The following WWC2 variants were observed in gnomAD, a reference collection of about 807,000 sequenced individuals.
The protein encoded by WWC2 is WW and C2 domain containing 2, also known as protein WWC2.
A neutral mutation model predicts 138.5 loss-of-function variants in WWC2; 101 were observed. The observed-to-expected ratio is 0.73, with a 90% CI of 0.62 to 0.86. WWC2 has a LOEUF of 0.86. WWC2 is among the 40% of genes least tolerant of loss of function. The pLI is 0.00. For missense variants in WWC2, 1,420 were observed against 1,419.4 expected (o/e 1.00, Z -0.01); for synonymous variants, 558 against 538.4 (o/e 1.04, Z -0.50).
At chr4:183,290,411 G>A (rs1463685955) in intron 21 of WWC2, among the ~76,000 whole-genome samples, 2 of 151,828 alleles carry the variant, frequency 1.3e-5, no homozygotes, top group South Asian at 2.1e-4. Context: ...CCAGCTATTC[G>A]GGAGACTGAG....
chr4:183,109,788 G>C (rs1486460670), intron 1 of WWC2, among the ~76,000 whole-genome samples: 1 of 152,172 alleles, frequency 6.6e-6, no homozygotes, highest in Non-Finnish European at 1.5e-5. Context: ...TAGGTACTGT[G>C]TGGGACAAAG....
intron 1 of WWC2, among the ~76,000 whole-genome samples, chr4:183,119,682 GT>G (rs1732538443): frequency 1.3e-5 from 2 of 152,098 alleles, no homozygotes; most frequent in South Asian, 4.1e-4. Context: ...TAAGATGTCA[GT>G]TTTAAAAACA....
chr4:183,171,643 TA>T (rs1367086490), intron 1 of WWC2, among the ~76,000 whole-genome samples: 1 of 40,924 alleles, frequency 2.4e-5, no homozygotes, highest in East Asian at 8.0e-4. Context: ...TGTAAATGAT[TA>T]ACAAACACTC....
intron 9 of WWC2, among the ~76,000 whole-genome samples, chr4:183,255,981 T>C (rs1013407473): frequency 1.3e-5 from 2 of 152,076 alleles, no homozygotes; most frequent in African/African-American, 4.8e-5. Flanking sequence ...ATTATTTATT[T>C]AGTGAGATCC....
intron 21 of WWC2, among the ~76,000 whole-genome samples, chr4:183,297,699 C>T (rs762302220): frequency 9.2e-5 from 14 of 152,260 alleles, no homozygotes; most frequent in South Asian, 2.1e-4. Context: ...CGTGAGCCAC[C>T]GCACCTGGCC....
At chr4:183,107,407 C>T (rs964626558) in intron 1 of WWC2, among the ~76,000 whole-genome samples, 8 of 152,298 alleles carry the variant, frequency 5.3e-5, no homozygotes, top group East Asian at 1.9e-4. Context: ...CTTGGCCTTC[C>T]AAAGTGCTAG....
At chr4:183,183,391 G>C (rs1734698031) in intron 1 of WWC2, among the ~76,000 whole-genome samples, 1 of 151,780 alleles carries the variant, frequency 6.6e-6, no homozygotes, top group African/African-American at 2.4e-5. Flanking sequence ...CTGCCAAATT[G>C]TTTCTTAAAA....
chr4:183,224,870 AG>A (rs60609949), intron 4 of WWC2, among the ~76,000 whole-genome samples: 8,516 of 152,146 alleles, frequency 0.056, 789 homozygotes, highest in African/African-American at 0.19. Flanking sequence ...CTATTTGTTT[AG>A]GTTTTAAAGT....
intron 1 of WWC2, among the ~76,000 whole-genome samples, chr4:183,144,421 A>C (rs1167804779): frequency 6.6e-6 from 1 of 152,244 alleles, no homozygotes. Context: ...TTTAAAAAAA[A>C]CTTTAGTGTC....
chr4:183,260,111 C>T (rs915866397), intron 10 of WWC2, among the ~76,000 whole-genome samples: 10 of 152,142 alleles, frequency 6.6e-5, no homozygotes, highest in African/African-American at 9.7e-5. Flanking sequence ...GAAACGTGAG[C>T]GAACCCAAGG....
At chr4:183,306,513 T>TA (rs966660983) in intron 21 of WWC2, among the ~76,000 whole-genome samples, 12 of 150,696 alleles carry the variant, frequency 8.0e-5, no homozygotes, top group Admixed American at 1.3e-4. Flanking sequence ...ATCCAGGATT[T>TA]AAAAAAAAAG....
chr4:183,185,942 T>G (rs1022849564), intron 1 of WWC2, among the ~76,000 whole-genome samples: 5 of 149,330 alleles, frequency 3.3e-5, no homozygotes, highest in African/African-American at 1.2e-4. Context: ...ACCTTTAACA[T>G]AGATTTTTTT....
At chr4:183,266,887 G>T (rs1327385304) in intron 14 of WWC2, among the ~76,000 whole-genome samples, 1 of 152,190 alleles carries the variant, frequency 6.6e-6, no homozygotes, top group Non-Finnish European at 1.5e-5. Context: ...AAATTAAAGA[G>T]TTCTGCATGT....
At chr4:183,125,995 C>G (rs959947659) in intron 1 of WWC2, among the ~76,000 whole-genome samples, 3 of 152,242 alleles carry the variant, frequency 2.0e-5, no homozygotes, top group African/African-American at 7.2e-5. Context: ...GGCACTTGCT[C>G]TGCCATGCAT....
chr4:183,168,373 A>G (rs951604481), intron 1 of WWC2, among the ~76,000 whole-genome samples: 3 of 152,080 alleles, frequency 2.0e-5, no homozygotes, highest in Middle Eastern at 3.2e-3. Flanking sequence ...ATGTCACAAA[A>G]CCTAAAAAAA....
At chr4:183,228,544 GTTTCAATATA>G (rs1250347975) in intron 4 of WWC2, among the ~76,000 whole-genome samples, 1 of 152,096 alleles carries the variant, frequency 6.6e-6, no homozygotes, top group Non-Finnish European at 1.5e-5. Flanking sequence ...CATTAGACTT[GTTTCAATATA>G]TTTCAAAGTA....
chr4:183,320,328 G>A lies in WWC2; in HGVS notation c.*4599G>A. ...TGAAACTCAGAAATATTTCTTCATTGTGTATATAGGAGGATTCTTGCCAGA... is the reference window on the plus strand; with the variant it reads ...TGAAACTCAGAAATATTTCTTCATTATGTATATAGGAGGATTCTTGCCAGA... On this transcript the variant is annotated 3_prime_UTR_variant, in exon 23 of 23. Coordinates refer to ENST00000403733, the MANE Select transcript of WWC2 (RefSeq NM_024949.6). The A allele has an allele frequency of 9.9e-7, 1 of 1,008,854 alleles. No individual in the cohort carries two copies. The highest frequency in any genetic ancestry group is 1.7e-5 in the South Asian group (1 of 59,996). 62.5% of individuals were successfully genotyped at this position (1,008,854 alleles called of 1,614,324 possible).
At chr4:183,224,548 T>C (rs1291291664) in intron 4 of WWC2, among the ~76,000 whole-genome samples, 1 of 150,334 alleles carries the variant, frequency 6.7e-6, no homozygotes, top group Non-Finnish European at 1.5e-5. Flanking sequence ...GGTTTTTGTT[T>C]AGTTTTGTTT....
At chr4:183,263,394 C>G (rs922340643) in intron 11 of WWC2, among the ~76,000 whole-genome samples, 2 of 152,130 alleles carry the variant, frequency 1.3e-5, no homozygotes, top group African/African-American at 2.4e-5. Flanking sequence ...TCTGGTTGGC[C>G]CATGCCTTGC....
Sources: gnomAD v4.1 joint callset for allele counts (sites outside exome capture counted in the v4.1 genomes callset) on GRCh38, gnomAD v4.1.1 for gene constraint, MANE v1.5 for transcripts, NCBI Gene and HGNC (gene_info 2026-07-23, HGNC 2026-07-21) for gene names.